ROBO2: variants seen among roughly 807,000 people sequenced by gnomAD.
ROBO2 encodes roundabout homolog 2.
In ROBO2, 53 loss-of-function variants were observed where a neutral mutation model predicts 160.8. The ratio of observed to expected loss-of-function variants is 0.33; its 90% confidence interval spans 0.26 to 0.41. ROBO2 has a LOEUF of 0.41. Ranked by LOEUF, ROBO2 falls within the 10% of genes least tolerant of loss-of-function variation. The probability of loss-of-function intolerance (pLI) is 1.00; values close to 1 mark genes in which losing one functional copy is unlikely to be tolerated. For missense variants in ROBO2, 1,577 were observed against 1,722.4 expected (o/e 0.92, Z 1.49); for synonymous variants, 664 against 611.7 (o/e 1.09, Z -1.26).
At chr3:76,958,659 G>A (rs1330748374) in intron 2 of ROBO2, among the ~76,000 whole-genome samples, 2 of 152,224 alleles carry the variant, frequency 1.3e-5, no homozygotes, top group Non-Finnish European at 2.9e-5. Context: ...GGCTTATGCA[G>A]TGAGAATGAT....
chr3:76,141,325 G>A (rs1174936507), intron 2 of ROBO2, among the ~76,000 whole-genome samples: 6 of 149,646 alleles, frequency 4.0e-5, no homozygotes, highest in African/African-American at 1.5e-4. Context: ...GCCAAAGTTA[G>A]GAAGGAAAGA....
chr3:76,459,519 A>T (rs2077970230), intron 2 of ROBO2, among the ~76,000 whole-genome samples: 1 of 152,180 alleles, frequency 6.6e-6, no homozygotes, highest in Non-Finnish European at 1.5e-5. Context: ...TAGGCATTAT[A>T]GTAACTACTA....
chr3:77,511,690 G>A (rs1421409796), intron 5 of ROBO2, among the ~76,000 whole-genome samples: 1 of 151,944 alleles, frequency 6.6e-6, no homozygotes, highest in African/African-American at 2.4e-5. Context: ...AATATGGGAA[G>A]TCAAGAGAGG....
At chr3:76,278,102 T>C (rs897258283) in intron 2 of ROBO2, among the ~76,000 whole-genome samples, 3 of 151,886 alleles carry the variant, frequency 2.0e-5, no homozygotes, top group African/African-American at 7.2e-5. Flanking sequence ...TTCTAATTAA[T>C]GATAAAGTTA....
chr3:77,249,124 T>G (rs11718830), intron 2 of ROBO2, among the ~76,000 whole-genome samples: 30,299 of 151,928 alleles, frequency 0.2, 3,606 homozygotes, highest in East Asian at 0.58. Flanking sequence ...GTTCTGGGAT[T>G]ACAGGCGTGA....
intron 2 of ROBO2, among the ~76,000 whole-genome samples, chr3:76,527,413 C>A (rs1428459920): frequency 6.6e-6 from 1 of 152,078 alleles, no homozygotes; most frequent in Non-Finnish European, 1.5e-5. Context: ...TAAGATGATA[C>A]AGTCCATTAG....
At chr3:77,146,796 A>T (rs1253940593) in intron 2 of ROBO2, among the ~76,000 whole-genome samples, 2 of 152,056 alleles carry the variant, frequency 1.3e-5, no homozygotes, top group African/African-American at 4.8e-5. Flanking sequence ...GTGAAGCCCC[A>T]TCTCTACTAA....
chr3:76,765,635 T>G (rs1272925919), intron 2 of ROBO2, among the ~76,000 whole-genome samples: 1 of 151,670 alleles, frequency 6.6e-6, no homozygotes, highest in Non-Finnish European at 1.5e-5. Flanking sequence ...AGGCCATCTG[T>G]AAGTGCTCCA....
At chr3:77,359,303 A>G (rs752916361) in intron 2 of ROBO2, among the ~76,000 whole-genome samples, 2 of 152,172 alleles carry the variant, frequency 1.3e-5, no homozygotes, top group Non-Finnish European at 2.9e-5. Context: ...AGGGCTGGGA[A>G]CTATCATAGA....
At chr3:77,317,876 G>A (rs2153428521) in intron 2 of ROBO2, among the ~76,000 whole-genome samples, 2 of 72,718 alleles carry the variant, frequency 2.8e-5, no homozygotes, top group Middle Eastern at 6.1e-3. Context: ...GGGGCTGCTG[G>A]GGGGCTGCTG....
intron 5 of ROBO2, among the ~76,000 whole-genome samples, chr3:77,493,916 T>C (rs144842588): frequency 4.7e-4 from 71 of 152,302 alleles, no homozygotes; most frequent in Non-Finnish European, 5.7e-4. Context: ...AGACCTTCTG[T>C]CACTTTCTTT....
intron 2 of ROBO2, among the ~76,000 whole-genome samples, chr3:76,089,617 A>G (rs2069146602): frequency 6.6e-6 from 1 of 152,152 alleles, no homozygotes; most frequent in Non-Finnish European, 1.5e-5. Context: ...AAAACATTTG[A>G]CAAAATCAAA....
chr3:77,569,016 C>T (rs1283049333), intron 13 of ROBO2, among the ~76,000 whole-genome samples: 1 of 151,902 alleles, frequency 6.6e-6, no homozygotes, highest in East Asian at 1.9e-4. Flanking sequence ...AAATAGTATT[C>T]CATTTTATGG....
chr3:77,361,555 AG>A (rs1371839987), intron 2 of ROBO2, among the ~76,000 whole-genome samples: 6 of 152,226 alleles, frequency 3.9e-5, no homozygotes, highest in African/African-American at 1.4e-4. Flanking sequence ...TCCAAGATCA[AG>A]GTGCCAGCAG....
At chr3:76,878,537 T>A (rs2073013407) in intron 2 of ROBO2, among the ~76,000 whole-genome samples, 2 of 152,160 alleles carry the variant, frequency 1.3e-5, no homozygotes, top group Admixed American at 1.3e-4. Flanking sequence ...TTCAAAAACA[T>A]CCAGAACATT....
Position 76,245,482 on chromosome 3 carries a change from A to G in ROBO2, c.109+307880A>G, listed in dbSNP as rs541832726. 2.6e-5 allele frequency among the ~76,000 whole-genome samples: 4 copies of G among 152,326 alleles called. No individual in the cohort carries two copies. In the South Asian group the frequency reaches 6.2e-4, roughly 24 times the overall value. On this transcript the variant is annotated intron_variant, in intron 2 of 26. Transcript: ENST00000487694. ...CTCTTTGGGAAAATGATCCTAAAAT[A>G]CAATACTCATTACATTATAAAAAAT...
intron 2 of ROBO2, among the ~76,000 whole-genome samples, chr3:76,147,281 T>G: frequency 6.6e-6 from 1 of 151,890 alleles, no homozygotes; most frequent in East Asian, 1.9e-4. Context: ...AGAGGTAATG[T>G]TAATTTCAAA....
At chr3:76,180,677 C>T (rs1243224287) in intron 2 of ROBO2, among the ~76,000 whole-genome samples, 1 of 152,120 alleles carries the variant, frequency 6.6e-6, no homozygotes, top group Non-Finnish European at 1.5e-5. Context: ...TTTTCCATTT[C>T]TTCACAACCA....
intron 2 of ROBO2, among the ~76,000 whole-genome samples, chr3:76,642,163 T>C (rs563079055): frequency 2.0e-5 from 3 of 152,012 alleles, no homozygotes; most frequent in Non-Finnish European, 4.4e-5. Context: ...ATGAAATACA[T>C]AGCATCACTC....
Sources: allele counts gnomAD v4.1 joint callset (sites outside exome capture counted in the v4.1 genomes callset), GRCh38; gene constraint gnomAD v4.1.1; transcripts MANE v1.5; gene names NCBI Gene and HGNC (gene_info 2026-07-23, HGNC 2026-07-21).